CNTNAP4: variants seen among roughly 807,000 people sequenced by gnomAD.
CNTNAP4 encodes contactin-associated protein-like 4.
CNTNAP4 carries 98 observed loss-of-function variants against 148.4 expected under a neutral mutation model. That is an observed-to-expected ratio of 0.66 (90% CI 0.56 to 0.78). CNTNAP4 has a LOEUF of 0.78. Among genes scored for constraint, CNTNAP4 ranks in the 30% least tolerant of loss-of-function variants. CNTNAP4 has a pLI of 0.00. For missense variants in CNTNAP4, 1,935 were observed against 1,565.6 expected (o/e 1.24, Z -3.98); for synonymous variants, 730 against 565.1 (o/e 1.29, Z -4.14).
intron 14 of CNTNAP4, among the ~76,000 whole-genome samples, chr16:76,495,622 A>G (rs1306612674): frequency 3.7e-5 from 2 of 54,380 alleles, no homozygotes; most frequent in Non-Finnish European, 1.4e-4. Context: ...AATCTTATGC[A>G]TGTGTTCTTT....
chr16:76,473,016 C>A (rs1008431896), intron 10 of CNTNAP4, among the ~76,000 whole-genome samples: 1 of 152,040 alleles, frequency 6.6e-6, no homozygotes, highest in Admixed American at 6.6e-5. Flanking sequence ...AGGGGGGAAG[C>A]CTTCTCTGAA....
chr16:76,332,437 C>CT (rs1210164478), intron 2 of CNTNAP4, among the ~76,000 whole-genome samples: 1 of 151,890 alleles, frequency 6.6e-6, no homozygotes, highest in Non-Finnish European at 1.5e-5. Flanking sequence ...TAATTTTTGT[C>CT]TTTTTTTGTA....
At chr16:76,341,000 CTT>C (rs1268555128) in intron 2 of CNTNAP4, among the ~76,000 whole-genome samples, 4 of 152,194 alleles carry the variant, frequency 2.6e-5, no homozygotes, top group Non-Finnish European at 4.4e-5. Flanking sequence ...ATTTCTGACA[CTT>C]TATATTTTTT....
intron 10 of CNTNAP4, among the ~76,000 whole-genome samples, chr16:76,471,414 C>A (rs900396506): frequency 1.3e-5 from 2 of 152,192 alleles, no homozygotes; most frequent in African/African-American, 4.8e-5. Context: ...AGACCCCTGA[C>A]AGGAACTAAG....
chr16:76,498,560 T>A lies in CNTNAP4; in HGVS notation c.2238-7T>A. 6.2e-7 allele frequency: 1 copy of A among 1,603,338 alleles called. No homozygotes were observed. Among genetic ancestry groups the A allele is most frequent in the South Asian group, 1.1e-5 (1 of 88,188 alleles). On this transcript the variant is annotated splice_region_variant and splice_polypyrimidine_tract_variant and intron_variant, in intron 14 of 23. Transcript: ENST00000611870. ...TTAAGAATTTTGTTGTTGCTATTGTTTTTTAGGACCAATGACACTGGATTG... is the reference window on the plus strand; with the variant it reads ...TTAAGAATTTTGTTGTTGCTATTGTATTTTAGGACCAATGACACTGGATTG...
intron 15 of CNTNAP4, among the ~76,000 whole-genome samples, chr16:76,519,015 T>C (rs955843974): frequency 6.6e-6 from 1 of 152,176 alleles, no homozygotes; most frequent in African/African-American, 2.4e-5. Context: ...GCCCTTCCTT[T>C]CTCTGAGGTG....
chr16:76,488,677 G>A (rs759416808), intron 12 of CNTNAP4, among the ~76,000 whole-genome samples: 36 of 152,160 alleles, frequency 2.4e-4, no homozygotes, highest in Non-Finnish European at 1.5e-4. Context: ...ATGTAGTAGA[G>A]TTCTGACAAC....
chr16:76,409,565 A>G (rs1274564353), intron 3 of CNTNAP4, among the ~76,000 whole-genome samples: 2 of 152,046 alleles, frequency 1.3e-5, no homozygotes, highest in African/African-American at 2.4e-5. Context: ...TCCAAAAATT[A>G]TATGCAAAGG....
At chr16:76,456,935 A>T (rs924247989) in intron 8 of CNTNAP4, among the ~76,000 whole-genome samples, 1 of 152,058 alleles carries the variant, frequency 6.6e-6, no homozygotes, top group South Asian at 2.1e-4. Context: ...GAGAATGATA[A>T]GTTATAGTGA....
At chr16:76,340,507 C>G (rs1487895530) in intron 2 of CNTNAP4, among the ~76,000 whole-genome samples, 1 of 152,088 alleles carries the variant, frequency 6.6e-6, no homozygotes, top group African/African-American at 2.4e-5. Flanking sequence ...CTGGACTTTG[C>G]CCTATCCCTC....
chr16:76,373,301 A>C (rs1397673449), intron 3 of CNTNAP4, among the ~76,000 whole-genome samples: 1 of 152,100 alleles, frequency 6.6e-6, no homozygotes, highest in Non-Finnish European at 1.5e-5. Context: ...TGTGAAATAT[A>C]TTCCACATAA....
intron 2 of CNTNAP4, among the ~76,000 whole-genome samples, chr16:76,327,162 G>A (rs1963072935): frequency 6.6e-6 from 1 of 152,140 alleles, no homozygotes; most frequent in African/African-American, 2.4e-5. Flanking sequence ...CCCAGGTAGT[G>A]AGCATAGTAT....
intron 10 of CNTNAP4, among the ~76,000 whole-genome samples, chr16:76,475,258 T>A (rs2081527682): frequency 6.6e-6 from 1 of 152,186 alleles, no homozygotes; most frequent in Non-Finnish European, 1.5e-5. Flanking sequence ...AAAAAATCAG[T>A]TACTAAAACT....
chr16:76,395,520 T>A lies in CNTNAP4; in HGVS notation c.391-31932T>A, dbSNP rs949642175. Among the ~76,000 whole-genome samples the A allele has an allele frequency of 2.0e-5, 3 of 151,904 alleles. No individual in the cohort carries two copies. In the South Asian group the frequency reaches 6.2e-4, roughly 32 times the overall value. ...ACCTTGTGATCCACCTGCCTCAGCCTCCCAAAGTGCTGGTATTACAGGCGT... is the reference window on the plus strand; with the variant it reads ...ACCTTGTGATCCACCTGCCTCAGCCACCCAAAGTGCTGGTATTACAGGCGT... On this transcript the variant is annotated intron_variant, in intron 3 of 23. Transcript: ENST00000611870.
At chr16:76,549,691 A>G (rs1597137922) in intron 21 of CNTNAP4, among the ~76,000 whole-genome samples, 1 of 152,184 alleles carries the variant, frequency 6.6e-6, no homozygotes, top group African/African-American at 2.4e-5. Flanking sequence ...AACAAAAAAT[A>G]TAACAGGAAA....
intron 3 of CNTNAP4, among the ~76,000 whole-genome samples, chr16:76,368,829 A>T (rs1475683847): frequency 6.6e-6 from 1 of 152,166 alleles, no homozygotes; most frequent in African/African-American, 2.4e-5. Context: ...ATAAAAAAAT[A>T]AAATTACATT....
intron 3 of CNTNAP4, among the ~76,000 whole-genome samples, chr16:76,403,233 C>T (rs2078482323): frequency 1.3e-5 from 2 of 151,998 alleles, no homozygotes; most frequent in African/African-American, 4.8e-5. Context: ...GCTGGGACTA[C>T]AGGCACCTGC....
intron 3 of CNTNAP4, among the ~76,000 whole-genome samples, chr16:76,393,585 C>T (rs2078099568): frequency 6.6e-6 from 1 of 152,020 alleles, no homozygotes; most frequent in South Asian, 2.1e-4. Flanking sequence ...ATCCTTGTGA[C>T]CCAGCACAGA....
intron 2 of CNTNAP4, among the ~76,000 whole-genome samples, chr16:76,331,378 C>T (rs970391774): frequency 2.6e-5 from 4 of 151,776 alleles, no homozygotes; most frequent in African/African-American, 4.8e-5. Flanking sequence ...TTAGTAGAGG[C>T]AGGGTTTCAC....
Sources: allele counts gnomAD v4.1 joint callset (sites outside exome capture counted in the v4.1 genomes callset), GRCh38; gene constraint gnomAD v4.1.1; transcripts MANE v1.5; gene names NCBI Gene and HGNC (gene_info 2026-07-23, HGNC 2026-07-21).